Variants in INPP4B observed in about 807,000 individuals in gnomAD.
INPP4B encodes inositol polyphosphate 4-phosphatase type II.
A neutral mutation model predicts 122.5 loss-of-function variants in INPP4B; 55 were observed. The ratio of observed to expected loss-of-function variants is 0.45; its 90% CI spans 0.36 to 0.56. The LOEUF (loss-of-function observed/expected upper bound fraction) is 0.56. Among genes scored for constraint, INPP4B ranks in the 20% least tolerant of loss-of-function variants. The pLI is 0.00. For missense variants in INPP4B, 1,000 were observed against 1,097.7 expected (o/e 0.91, Z 1.26); for synonymous variants, 403 against 388.7 (o/e 1.04, Z -0.43).
intron 1 of INPP4B, among the ~76,000 whole-genome samples, chr4:142,815,259 A>C (rs1046845446): frequency 2.6e-5 from 4 of 152,154 alleles, no homozygotes; most frequent in Non-Finnish European, 4.4e-5. Flanking sequence ...ATAACAACTA[A>C]AATATAACGT....
chr4:142,526,461 C>T (rs1826930876), intron 2 of INPP4B, among the ~76,000 whole-genome samples: 1 of 151,896 alleles, frequency 6.6e-6, no homozygotes, highest in Admixed American at 6.6e-5. Flanking sequence ...GAGACCAGAC[C>T]AGTGAGTTAA....
intron 9 of INPP4B, among the ~76,000 whole-genome samples, chr4:142,274,082 T>C (rs1459208916): frequency 6.6e-6 from 1 of 151,842 alleles, no homozygotes; most frequent in Non-Finnish European, 1.5e-5. Context: ...AAAAAAATTC[T>C]TAAATGCTAA....
intron 1 of INPP4B, among the ~76,000 whole-genome samples, chr4:142,752,139 CT>C (rs1000607468): frequency 6.6e-5 from 10 of 151,898 alleles, no homozygotes; most frequent in Admixed American, 3.3e-4. Flanking sequence ...AGGAAGTAGA[CT>C]TTTTTTTAGA....
intron 8 of INPP4B, among the ~76,000 whole-genome samples, chr4:142,306,276 T>A (rs1291001616): frequency 5.3e-5 from 8 of 151,850 alleles, no homozygotes; most frequent in Non-Finnish European, 2.9e-5. Context: ...CTATCATCTC[T>A]TTCTAATATC....
chr4:142,257,202 A>C (rs2150325114), intron 11 of INPP4B, among the ~76,000 whole-genome samples: 1 of 152,346 alleles, frequency 6.6e-6, no homozygotes, highest in South Asian at 2.1e-4. Flanking sequence ...GACGGGACGT[A>C]TCTCAAAATA....
intron 7 of INPP4B, among the ~76,000 whole-genome samples, chr4:142,321,273 ATTGT>A (rs753140015): frequency 1.6e-4 from 25 of 152,228 alleles, no homozygotes; most frequent in Middle Eastern, 3.4e-3. Context: ...TCTTTTGAGA[ATTGT>A]TTGTTTATGT....
At chr4:142,644,219 A>T (rs1193931835) in intron 2 of INPP4B, among the ~76,000 whole-genome samples, 1 of 149,218 alleles carries the variant, frequency 6.7e-6, no homozygotes, top group South Asian at 2.2e-4. Context: ...ATAAAATAAA[A>T]TAAAATAAGA....
chr4:142,705,023 C>A (rs1439796207), intron 2 of INPP4B, among the ~76,000 whole-genome samples: 1 of 152,166 alleles, frequency 6.6e-6, no homozygotes, highest in African/African-American at 2.4e-5. Flanking sequence ...CTCTTATTGG[C>A]CTTTATCCCC....
intron 9 of INPP4B, among the ~76,000 whole-genome samples, chr4:142,290,899 G>C (rs187901062): frequency 6.6e-6 from 1 of 152,246 alleles, no homozygotes; most frequent in East Asian, 1.9e-4. Flanking sequence ...TTGATGATGA[G>C]GATAGGAATG....
intron 8 of INPP4B, among the ~76,000 whole-genome samples, chr4:142,310,854 T>C (rs953261081): frequency 3.9e-5 from 6 of 152,134 alleles, no homozygotes; most frequent in African/African-American, 1.4e-4. Flanking sequence ...TAAAAAGCAC[T>C]TTAAGGTAAA....
In INPP4B at chr4:142,160,339, C is replaced by A. The variant is rs377098458; in HGVS notation, c.1563+19G>T. The A allele has an allele frequency of 4.3e-6, 6 of 1,390,948 alleles. No homozygotes were observed. Among genetic ancestry groups the A allele is most frequent in the Admixed American group, 2.1e-5 (1 of 48,498 alleles). 86.2% of individuals were successfully genotyped at this position (1,390,948 alleles called of 1,614,324 possible). On this transcript the variant is annotated intron_variant, in intron 17 of 25. Transcript: ENST00000262992. ...TCATTGCCAAACATTGAGAGGCAAG[C>A]GATATACAAGAGACTTACCCACTCT...
At chr4:142,208,824 A>C in intron 13 of INPP4B, 72 bp downstream of exon 13, 2 of 1,161,716 alleles carry the variant, frequency 1.7e-6, no homozygotes, top group East Asian at 2.6e-5. Context: ...AAATCTATTT[A>C]TTATTTTTTT....
At chr4:142,083,720 G>C (rs1210869436) in intron 24 of INPP4B, among the ~76,000 whole-genome samples, 1 of 152,042 alleles carries the variant, frequency 6.6e-6, no homozygotes, top group African/African-American at 2.4e-5. Context: ...TAAGTGACTA[G>C]AAAAATGTGA....
At chr4:142,548,384 G>C (rs1037909125) in intron 2 of INPP4B, among the ~76,000 whole-genome samples, 1 of 151,990 alleles carries the variant, frequency 6.6e-6, no homozygotes, top group Non-Finnish European at 1.5e-5. Context: ...ACACAAAAAA[G>C]GTCATGAAAG....
chr4:142,554,889 G>A (rs1204256789), intron 2 of INPP4B, among the ~76,000 whole-genome samples: 2 of 152,154 alleles, frequency 1.3e-5, no homozygotes, highest in Non-Finnish European at 2.9e-5. Context: ...TCCCACCAAT[G>A]AGCTTCAGCG....
chr4:142,338,307 C>T (rs780969169), intron 7 of INPP4B, among the ~76,000 whole-genome samples: 2 of 152,202 alleles, frequency 1.3e-5, no homozygotes, highest in African/African-American at 2.4e-5. Flanking sequence ...GCCATCTAGG[C>T]TCACTGCAAG....
At chr4:142,087,559 T>G (rs895587979) in intron 23 of INPP4B, among the ~76,000 whole-genome samples, 2 of 152,154 alleles carry the variant, frequency 1.3e-5, no homozygotes, top group African/African-American at 4.8e-5. Flanking sequence ...AACTGAGAGA[T>G]AAATTCCTGA....
At chr4:142,078,901 A>C (rs1250556934) in intron 25 of INPP4B, among the ~76,000 whole-genome samples, 2 of 152,046 alleles carry the variant, frequency 1.3e-5, no homozygotes, top group Non-Finnish European at 2.9e-5. Flanking sequence ...AAATAAAATT[A>C]AAAGTTGCAG....
intron 2 of INPP4B, chr4:142,474,193 C>T (rs1400183809): frequency 6.6e-6 from 1 of 152,144 alleles, no homozygotes; most frequent in Admixed American, 6.5e-5. Flanking sequence ...TGGCCCTCTC[C>T]ATTCTCACTA....
Sources: gnomAD v4.1 joint callset for allele counts (sites outside exome capture counted in the v4.1 genomes callset) on GRCh38, gnomAD v4.1.1 for gene constraint, MANE v1.5 for transcripts, NCBI Gene and HGNC (gene_info 2026-07-23, HGNC 2026-07-21) for gene names.